The following FBXO34 variants were observed in gnomAD, a reference collection of about 807,000 sequenced individuals.
FBXO34 encodes F-box only protein 34.
FBXO34 carries 12 observed loss-of-function variants against 24.5 expected under a neutral mutation model. The ratio of observed to expected loss-of-function variants is 0.49; its 90% CI spans 0.31 to 0.79. The LOEUF is 0.79. FBXO34 is among the 30% of genes least tolerant of loss of function. FBXO34 has a pLI of 0.04. For synonymous variants in FBXO34, 320 were observed against 311.9 expected, an observed-to-expected ratio of 1.03 and a Z score of -0.27; for missense variants, 823 against 857.7, an observed-to-expected ratio of 0.96 and a Z score of 0.51.
chr14:55,440,544 A>T, the FBXO34 span: 1 of 1,598,522 alleles, frequency 6.3e-7, no homozygotes, highest in Admixed American at 1.7e-5. Flanking sequence ...CGCAGAGGCC[A>T]TTTATGAGCC....
chr14:55,411,636 C>G, the FBXO34 span: 1 of 1,612,880 alleles, frequency 6.2e-7, no homozygotes, highest in African/African-American at 1.3e-5. Flanking sequence ...TAGACGAAAT[C>G]GCCGCTCTGA....
chr14:55,339,462 G>C (rs1386190337), intron 1 of FBXO34: 1 of 145,578 alleles, frequency 6.9e-6, no homozygotes, highest in East Asian at 2.0e-4. Context: ...TGTATCCTTT[G>C]TCGAAGCCAT....
In FBXO34 at chr14:55,352,199, C is replaced by G; in HGVS notation, c.1809C>G (p.Cys603Trp). 6.2e-7 allele frequency: 1 copy of G among 1,614,134 alleles called. No homozygotes were observed. Among genetic ancestry groups the G allele is most frequent in the Non-Finnish European group, 8.5e-7 (1 of 1,180,024 alleles). Residue 603 changes from cysteine (C) to tryptophan (W), a missense_variant, in exon 2 of 2, where the codon TGC becomes TGG. Cys to Trp is a radical substitution (Grantham distance 215). This residue lies in a region of FBXO34 where 130 missense variants were observed against 198.6 expected (regional missense o/e 0.65). Coordinates refer to ENST00000313833, the MANE Select transcript of FBXO34 (RefSeq NM_017943.4). ...KSLVALKCTC[C>W]YFKFIIEYYN... ...TAGTGGCCCTTAAATGTACCTGCTG[C>G]TATTTCAAGTTTATCATTGAGTACT...
chr14:55,396,661 C>T, the FBXO34 span, among the ~76,000 whole-genome samples: 2 of 152,066 alleles, frequency 1.3e-5, no homozygotes, highest in Non-Finnish European at 2.9e-5. Context: ...TTGGGCAGGG[C>T]GTGCTCAGAG....
At chr14:55,345,609 T>G (rs1256967601) in intron 1 of FBXO34, among the ~76,000 whole-genome samples, 1 of 152,094 alleles carries the variant, frequency 6.6e-6, no homozygotes, top group Non-Finnish European at 1.5e-5. Flanking sequence ...CATATAACAT[T>G]TGTTGTAATT....
downstream of FBXO34, among the ~76,000 whole-genome samples, chr14:55,370,855 G>A (rs1884800523): frequency 6.6e-6 from 1 of 152,044 alleles, no homozygotes; most frequent in East Asian, 1.9e-4. Context: ...TGGCCAGGCT[G>A]GTCTTGAACT....
At chr14:55,419,496 C>T in the FBXO34 span, among the ~76,000 whole-genome samples, 1 of 152,140 alleles carries the variant, frequency 6.6e-6, no homozygotes, top group Admixed American at 6.5e-5. Flanking sequence ...AACATGGGCC[C>T]TAAATGTCAC....
At chr14:55,379,422 G>T in the FBXO34 span, among the ~76,000 whole-genome samples, 1 of 152,084 alleles carries the variant, frequency 6.6e-6, no homozygotes, top group South Asian at 2.1e-4. Flanking sequence ...TGAACCTGTG[G>T]TCCCAGCAAC....
intron 1 of FBXO34, among the ~76,000 whole-genome samples, chr14:55,332,250 T>G (rs546621875): frequency 1.7e-4 from 26 of 152,036 alleles, no homozygotes; most frequent in Admixed American, 1.6e-3. Flanking sequence ...AGGTGTTAAA[T>G]CGTTAGTAAA....
intron 1 of FBXO34, among the ~76,000 whole-genome samples, chr14:55,329,015 T>TC (rs1390721917): frequency 7.9e-5 from 12 of 151,268 alleles, no homozygotes; most frequent in East Asian, 1.9e-4. Flanking sequence ...ACTCAAATTG[T>TC]CCCCCCCGTG....
At chr14:55,383,550 C>CA in the FBXO34 span, among the ~76,000 whole-genome samples, 12 of 151,036 alleles carry the variant, frequency 7.9e-5, no homozygotes, top group East Asian at 2.1e-3. Context: ...GACTCCATCT[C>CA]AAAAAAACAC....
At chr14:55,309,282 C>CT (rs1364136404) in intron 1 of FBXO34, among the ~76,000 whole-genome samples, 2 of 152,042 alleles carry the variant, frequency 1.3e-5, no homozygotes, top group African/African-American at 4.8e-5. Flanking sequence ...TTTTTGGACA[C>CT]TGCTGGTTTT....
the FBXO34 span, among the ~76,000 whole-genome samples, chr14:55,387,969 T>TA: frequency 7.2e-5 from 11 of 152,236 alleles, no homozygotes; most frequent in African/African-American, 2.4e-4. Flanking sequence ...GCCAATTTCT[T>TA]ACAGTTTTGA....
the FBXO34 span, among the ~76,000 whole-genome samples, chr14:55,425,555 A>C: frequency 6.6e-6 from 1 of 152,230 alleles, no homozygotes; most frequent in African/African-American, 2.4e-5. Flanking sequence ...GCCTCATTCC[A>C]AAAGAAGGCT....
chr14:55,401,500 C>T, the FBXO34 span, among the ~76,000 whole-genome samples: 2 of 152,080 alleles, frequency 1.3e-5, no homozygotes, highest in Non-Finnish European at 1.5e-5. Context: ...CACTATTTTC[C>T]GTATTTTCTC....
chr14:55,380,729 T>A, the FBXO34 span: 2 of 1,389,108 alleles, frequency 1.4e-6, 1 homozygote, highest in South Asian at 2.5e-5. Flanking sequence ...AAAACCTTAA[T>A]TCCAACAAAA....
the FBXO34 span, among the ~76,000 whole-genome samples, chr14:55,434,322 C>T: frequency 6.6e-6 from 1 of 152,114 alleles, no homozygotes; most frequent in Non-Finnish European, 1.5e-5. Flanking sequence ...ATCAGCAAGC[C>T]CTGCAGGTGA....
intron 1 of FBXO34, among the ~76,000 whole-genome samples, chr14:55,325,049 G>A (rs1340629613): frequency 6.6e-6 from 1 of 152,144 alleles, no homozygotes; most frequent in African/African-American, 2.4e-5. Context: ...TCTCCCACAG[G>A]CCCCACCTCC....
chr14:55,385,442 G>A, the FBXO34 span, among the ~76,000 whole-genome samples: 11 of 152,150 alleles, frequency 7.2e-5, no homozygotes, highest in East Asian at 1.9e-4. Context: ...ACAGGCACGC[G>A]CCACCACGCC....
Sources: gnomAD v4.1 joint callset for allele counts (sites outside exome capture counted in the v4.1 genomes callset) on GRCh38, gnomAD v4.1.1 for gene constraint, gnomAD v4.1.1 regional missense constraint, MANE v1.5 for transcripts, NCBI Gene and HGNC (gene_info 2026-07-23, HGNC 2026-07-21) for gene names.